Variants in RFC1 observed in about 807,000 individuals in gnomAD.
RFC1 encodes the protein replication factor C subunit 1.
RFC1 carries 37 observed loss-of-function variants against 137.4 expected under a neutral mutation model. The ratio of observed to expected loss-of-function variants is 0.27; its 90% CI spans 0.21 to 0.35. The LOEUF (loss-of-function observed/expected upper bound fraction) is 0.35. RFC1 is among the 10% of genes least tolerant of loss of function. The pLI is 1.00. For missense variants in RFC1, 1,205 were observed against 1,358.5 expected (o/e 0.89, Z 1.78); for synonymous variants, 429 against 455.7 (o/e 0.94, Z 0.75).
chr4:39,291,759 T>C lies in RFC1; in HGVS notation c.3048A>G (p.Gly1016=), dbSNP rs1192088002. The change falls in exon 23 of 25, where the codon GGA becomes GGG. Residue 1016 remains glycine, a synonymous_variant. Coordinates refer to ENST00000349703, the MANE Select transcript of RFC1 (RefSeq NM_002913.5). ...VQPLTSQGVD[G]VQDVVALMDT... ...CCATAAGTGCAACAACATCCTGTAC[T>C]CCGTCTACTCCTTGTGAGGTCAAGG... 4 of 1,613,630 alleles carry C rather than the reference T, an allele frequency of 2.5e-6. No individual in the cohort carries two copies. Among genetic ancestry groups the C allele is most frequent in the Middle Eastern group, 3.3e-4 (2 of 6,062 alleles).
chr4:39,340,547 C>T (rs1255818412), intron 4 of RFC1, among the ~76,000 whole-genome samples: 5 of 152,074 alleles, frequency 3.3e-5, no homozygotes, highest in Admixed American at 2.0e-4. Flanking sequence ...TTTAGCCTAA[C>T]GTAAAGAGTA....
chr4:39,344,888 A>G (rs1464918924), intron 3 of RFC1, among the ~76,000 whole-genome samples: 1 of 152,190 alleles, frequency 6.6e-6, no homozygotes, highest in African/African-American at 2.4e-5. Flanking sequence ...TAATACAAAC[A>G]TATTTTGGTT....
chr4:39,340,984 G>A (rs1037351994), intron 4 of RFC1, among the ~76,000 whole-genome samples: 4 of 152,136 alleles, frequency 2.6e-5, no homozygotes, highest in African/African-American at 7.2e-5. Flanking sequence ...TAAAAAGCTG[G>A]ACATCTCTTC....
intron 4 of RFC1, among the ~76,000 whole-genome samples, chr4:39,340,184 C>T (rs947190508): frequency 6.6e-6 from 1 of 152,100 alleles, no homozygotes; most frequent in Non-Finnish European, 1.5e-5. Flanking sequence ...CATGCTATGC[C>T]GCAAGAAAAA....
Position 39,302,802 on chromosome 4 carries a change from T to A in RFC1, c.2275A>T (p.Ile759Phe), listed in dbSNP as rs748839045. The change falls in exon 17 of 25, where the codon ATT (isoleucine) becomes TTT (phenylalanine). Residue 759 changes from isoleucine (I) to phenylalanine (F), a missense_variant. Physicochemically the swap from Ile to Phe is conservative, Grantham distance 21. Coordinates refer to ENST00000349703, the MANE Select transcript of RFC1 (RefSeq NM_002913.5). The stretch of plus-strand genomic sequence containing the variant: ...AAACAATAATGAACCAGAGAGCGAA[T>A]CTTGGGATGATTTCTATCATTGCAC... ...CMCNDRNHPK[I>F]RSLVHYCFDL... 1 of 1,605,278 alleles carries A rather than the reference T, an allele frequency of 6.2e-7. No individual in the cohort carries two copies. Among genetic ancestry groups the A allele is most frequent in the South Asian group, 1.1e-5 (1 of 88,470 alleles).
chr4:39,304,713 G>A (rs1424524352), intron 15 of RFC1, 101 bp downstream of exon 15: 7 of 758,088 alleles, frequency 9.2e-6, no homozygotes, highest in African/African-American at 8.7e-5. Flanking sequence ...GAATTTAGTA[G>A]GGTGCTTGGC....
chr4:39,352,759 T>C (rs1741271421), intron 1 of RFC1, among the ~76,000 whole-genome samples: 1 of 152,214 alleles, frequency 6.6e-6, no homozygotes, highest in African/African-American at 2.4e-5. Flanking sequence ...GAGAAGGGTA[T>C]AAGAAGAAAA....
intron 15 of RFC1, 158 bp from the exon 16 acceptor site, chr4:39,303,309 A>G (rs1466679668): frequency 3.3e-6 from 2 of 601,066 alleles, no homozygotes; most frequent in African/African-American, 1.9e-5. Flanking sequence ...AAAAAAAAAA[A>G]AAAAGAATAT....
chr4:39,320,280 C>A, intron 9 of RFC1, 103 bp downstream of exon 9: 1 of 1,023,616 alleles, frequency 9.8e-7, no homozygotes. Context: ...ACCTGGGAGG[C>A]AGAGGTTGCA....
chr4:39,352,211 TA>T (rs1741244177), intron 1 of RFC1, among the ~76,000 whole-genome samples: 1 of 152,084 alleles, frequency 6.6e-6, no homozygotes, highest in Non-Finnish European at 1.5e-5. Flanking sequence ...GTGGAACATA[TA>T]CTCCAGTATG....
chr4:39,315,628 A>G (rs1408530585), intron 10 of RFC1, among the ~76,000 whole-genome samples: 1 of 152,088 alleles, frequency 6.6e-6, no homozygotes, highest in Non-Finnish European at 1.5e-5. Flanking sequence ...CATCTCCCCA[A>G]ACTAGCCCTG....
intron 1 of RFC1, among the ~76,000 whole-genome samples, chr4:39,358,789 CT>C (rs1321667313): frequency 2.0e-5 from 3 of 152,176 alleles, no homozygotes; most frequent in African/African-American, 7.2e-5. Flanking sequence ...GGGTTTTCCC[CT>C]AAAGCCTATT....
intron 6 of RFC1, among the ~76,000 whole-genome samples, chr4:39,325,776 A>G (rs2109681985): frequency 6.6e-6 from 1 of 152,346 alleles, no homozygotes; most frequent in African/African-American, 2.4e-5. Flanking sequence ...CCCACTTCTC[A>G]CTGCCTTTTC....
intron 1 of RFC1, among the ~76,000 whole-genome samples, chr4:39,359,053 C>T (rs954850797): frequency 1.3e-5 from 2 of 152,174 alleles, no homozygotes; most frequent in African/African-American, 4.8e-5. Context: ...ACCTGCTTCT[C>T]TCCCTTTATT....
intron 1 of RFC1, among the ~76,000 whole-genome samples, chr4:39,359,224 ACTT>A (rs1463539885): frequency 6.6e-6 from 1 of 152,006 alleles, no homozygotes; most frequent in African/African-American, 2.4e-5. Context: ...TTGATTCAGG[ACTT>A]CTTTTGTTTA....
intron 15 of RFC1, 71 bp downstream of exon 15, chr4:39,304,743 C>G (rs1738546581): frequency 4.4e-6 from 4 of 914,062 alleles, no homozygotes; most frequent in Non-Finnish European, 7.4e-6. Flanking sequence ...GTGTTCAATA[C>G]TGGTTACTGA....
At chr4:39,326,401 CT>C (rs1442116927) in intron 6 of RFC1, among the ~76,000 whole-genome samples, 161 bp downstream of exon 6, 2 of 152,188 alleles carry the variant, frequency 1.3e-5, no homozygotes, top group African/African-American at 4.8e-5. Flanking sequence ...TAATTCTCCC[CT>C]GGTCTCATCA....
chr4:39,345,771 C>T (rs1740828270), intron 2 of RFC1, among the ~76,000 whole-genome samples: 2 of 152,122 alleles, frequency 1.3e-5, no homozygotes, highest in African/African-American at 4.8e-5. Context: ...GGGAATTTTG[C>T]ATCCCCGCCC....
At chr4:39,356,699 T>C (rs2109771664) in intron 1 of RFC1, among the ~76,000 whole-genome samples, 1 of 152,314 alleles carries the variant, frequency 6.6e-6, no homozygotes, top group South Asian at 2.1e-4. Flanking sequence ...ACATTGTGGC[T>C]ACAAAAAACA....
Sources: gnomAD v4.1 joint callset for allele counts (sites outside exome capture counted in the v4.1 genomes callset) on GRCh38, gnomAD v4.1.1 for gene constraint, MANE v1.5 for transcripts, NCBI Gene and HGNC (gene_info 2026-07-23, HGNC 2026-07-21) for gene names.